Variants in CDH13 observed in about 807,000 individuals in gnomAD.
CDH13 encodes the protein cadherin-13.
CDH13 carries 24 observed loss-of-function variants against 63.8 expected under a neutral mutation model. The observed-to-expected ratio is 0.38, with a 90% CI of 0.27 to 0.53. CDH13 has a LOEUF of 0.53. Ranked by LOEUF, CDH13 falls within the 20% of genes least tolerant of loss-of-function variation. The pLI is 0.85. For synonymous variants in CDH13, 503 were observed against 355.3 expected (o/e 1.42, Z -4.67); for missense variants, 1,049 against 903.1 (o/e 1.16, Z -2.07).
intron 2 of CDH13, among the ~76,000 whole-genome samples, chr16:83,031,373 TGTATACAC>T (rs1916321295): frequency 1.4e-5 from 1 of 70,164 alleles, no homozygotes. Flanking sequence ...TACATGTATA[TGTATACAC>T]GTATATGTAT....
intron 7 of CDH13, among the ~76,000 whole-genome samples, chr16:83,551,773 T>C (rs901234559): frequency 6.6e-6 from 1 of 152,212 alleles, no homozygotes; most frequent in African/African-American, 2.4e-5. Context: ...GAATTGTCAA[T>C]TTGTCTACCC....
chr16:83,744,502 C>T (rs16961617), intron 10 of CDH13, among the ~76,000 whole-genome samples: 4,601 of 152,092 alleles, frequency 0.03, 225 homozygotes, highest in African/African-American at 0.1. Context: ...GGAAGCCCTG[C>T]GTTCGCCTCA....
chr16:83,220,872 G>C lies in CDH13; in HGVS notation c.636+3375G>C, dbSNP rs552678947. 5.5e-4 allele frequency among the ~76,000 whole-genome samples: 84 copies of C among 152,252 alleles called. No homozygotes were observed. The South Asian group carries it at 0.017, about 30-fold the overall frequency. ...AATAATCTGGAATACATTTGTCCTT[G>C]GGCCCCTGAAAGTGCATCACCATTG... is the stretch of plus-strand genomic sequence containing the variant. On this transcript the variant is annotated intron_variant, in intron 5 of 13. Transcript: ENST00000567109.
intron 1 of CDH13, among the ~76,000 whole-genome samples, chr16:82,812,371 A>G (rs2151182524): frequency 6.6e-6 from 1 of 152,250 alleles, no homozygotes. Context: ...AATGAGCGAG[A>G]AGAGTGGTCA....
intron 4 of CDH13, among the ~76,000 whole-genome samples, chr16:83,147,572 C>T (rs1221515272): frequency 1.3e-5 from 2 of 152,148 alleles, no homozygotes; most frequent in Non-Finnish European, 2.9e-5. Flanking sequence ...TGTGATTCTC[C>T]CAACATCCCT....
intron 1 of CDH13, among the ~76,000 whole-genome samples, chr16:82,704,645 T>TG (rs962428324): frequency 5.5e-4 from 83 of 152,266 alleles, no homozygotes; most frequent in African/African-American, 1.8e-3. Flanking sequence ...TTTCCTGGCC[T>TG]GGGGGGTCCA....
intron 2 of CDH13, among the ~76,000 whole-genome samples, chr16:83,023,314 C>G (rs1031822867): frequency 6.6e-6 from 1 of 152,090 alleles, no homozygotes; most frequent in Non-Finnish European, 1.5e-5. Context: ...CCCGACTCCA[C>G]CCCGCCCTCC....
At position 82,733,798 on chromosome 16, in the gene CDH13, CACAAA is replaced by C. The variant is rs1402318085; in HGVS notation, c.45+106668_45+106672del. Among the ~76,000 whole-genome samples, 38 of 152,216 alleles carry C rather than the reference CACAAA, an allele frequency of 2.5e-4. 1 individual carries two copies. Among genetic ancestry groups the C allele is most frequent in the African/African-American group, 9.2e-4 (38 of 41,458 alleles). The stretch of plus-strand genomic sequence containing the variant: ...AAGAGAAAAGAAACACACTACTTAA[CACAAA>C]ACAAAAACTGGATAAAATACCCAGT... On this transcript the variant is annotated intron_variant, in intron 1 of 13. Transcript: ENST00000567109.
intron 10 of CDH13, among the ~76,000 whole-genome samples, chr16:83,707,694 C>G (rs920087960): frequency 3.3e-5 from 5 of 151,818 alleles, no homozygotes; most frequent in African/African-American, 1.2e-4. Flanking sequence ...CCGCACTGTG[C>G]TATTGATCTG....
intron 11 of CDH13, among the ~76,000 whole-genome samples, chr16:83,759,936 T>TAAAAAAAAA (rs11329988): frequency 3.7e-5 from 5 of 133,376 alleles, no homozygotes; most frequent in Admixed American, 7.6e-5. Flanking sequence ...TCAAAACCAA[T>TAAAAAAAAA]AAAAAAAAAA....
intron 6 of CDH13, among the ~76,000 whole-genome samples, chr16:83,449,503 T>C (rs2072820227): frequency 6.6e-6 from 1 of 152,234 alleles, no homozygotes; most frequent in African/African-American, 2.4e-5. Flanking sequence ...TATCACTCGG[T>C]GAATCAAAGC....
At chr16:82,939,893 C>T (rs1433743711) in intron 2 of CDH13, among the ~76,000 whole-genome samples, 5 of 152,110 alleles carry the variant, frequency 3.3e-5, no homozygotes, top group African/African-American at 1.2e-4. Flanking sequence ...GACATGCCCT[C>T]GACTGGGTAA....
In CDH13 at chr16:83,383,862, T is replaced by C. The variant is rs529402691; in HGVS notation, c.781+38856T>C. On this transcript the variant is annotated intron_variant, in intron 6 of 13. Coordinates refer to ENST00000567109, the MANE Select transcript of CDH13 (RefSeq NM_001257.5). ...GGAGGGTGGTCTTTAGAAATCAGTGTCTGGGTATTTGGTGAGGTTGTGGCT... is the reference window on the plus strand; with the variant it reads ...GGAGGGTGGTCTTTAGAAATCAGTGCCTGGGTATTTGGTGAGGTTGTGGCT... Among the ~76,000 whole-genome samples, 17 of 152,322 alleles carry C rather than the reference T, an allele frequency of 1.1e-4. No individual in the cohort carries two copies. In the East Asian group the frequency reaches 2.9e-3, roughly 26 times the overall value.
chr16:82,762,791 G>C (rs2034903743), intron 1 of CDH13, among the ~76,000 whole-genome samples: 1 of 152,222 alleles, frequency 6.6e-6, no homozygotes, highest in Non-Finnish European at 1.5e-5. Flanking sequence ...GTCTTTGCAT[G>C]TGTTTGGAAA....
chr16:82,717,054 G>C (rs995908833), intron 1 of CDH13, among the ~76,000 whole-genome samples: 4 of 151,928 alleles, frequency 2.6e-5, no homozygotes, highest in African/African-American at 9.7e-5. Context: ...GTGTCCCCTT[G>C]CTGAAGTTAG....
At chr16:82,926,562 A>G (rs1478218793) in intron 2 of CDH13, among the ~76,000 whole-genome samples, 4 of 152,166 alleles carry the variant, frequency 2.6e-5, no homozygotes, top group Non-Finnish European at 5.9e-5. Context: ...ATGGCATTTT[A>G]GGCTTGACTT....
At chr16:82,752,756 C>G (rs2034468286) in intron 1 of CDH13, among the ~76,000 whole-genome samples, 1 of 152,304 alleles carries the variant, frequency 6.6e-6, no homozygotes, top group Non-Finnish European at 1.5e-5. Flanking sequence ...CACTGTGATT[C>G]AAGCCCTGAT....
chr16:82,758,046 T>A (rs2034685276), intron 1 of CDH13, among the ~76,000 whole-genome samples: 1 of 152,108 alleles, frequency 6.6e-6, no homozygotes, highest in Non-Finnish European at 1.5e-5. Context: ...ACCTTTCAGG[T>A]TAGTTGTAGA....
chr16:83,347,629 C>A (rs911381019), intron 6 of CDH13, among the ~76,000 whole-genome samples: 2 of 152,116 alleles, frequency 1.3e-5, no homozygotes, highest in African/African-American at 2.4e-5. Flanking sequence ...TACCACTATC[C>A]CTATCTTACA....
Sources: allele counts gnomAD v4.1 joint callset (sites outside exome capture counted in the v4.1 genomes callset), GRCh38; gene constraint gnomAD v4.1.1; transcripts MANE v1.5; gene names NCBI Gene and HGNC (gene_info 2026-07-23, HGNC 2026-07-21).